GRIA4: variants seen among roughly 807,000 people sequenced by gnomAD.
GRIA4 encodes glutamate ionotropic receptor AMPA type subunit 4, also known as glutamate receptor 4.
In GRIA4, 34 loss-of-function variants were observed where a neutral mutation model predicts 104.0. The observed-to-expected ratio is 0.33, with a 90% confidence interval of 0.25 to 0.44. GRIA4 has a LOEUF of 0.44. Among genes scored for constraint, GRIA4 ranks in the 20% least tolerant of loss-of-function variants. The pLI is 1.00. For missense variants in GRIA4, 750 were observed against 1,096.5 expected, an observed-to-expected ratio of 0.68 and a Z score of 4.46; for synonymous variants, 386 against 381.9, an observed-to-expected ratio of 1.01 and a Z score of -0.13.
intron 11 of GRIA4, among the ~76,000 whole-genome samples, chr11:105,923,057 A>G (rs1317684298): frequency 2.6e-5 from 4 of 152,016 alleles, no homozygotes; most frequent in Non-Finnish European, 5.9e-5. Flanking sequence ...TGCCTTCCCC[A>G]TTCTAACCCC....
At position 105,924,662 on chromosome 11, in the gene GRIA4, C is replaced by T. The variant is rs542853979; in HGVS notation, c.1740C>T (p.Asp580=). ...PYEWHTEEPE[D]GKEGPSDQPP... ...AGTGGCACACAGAAGAGCCAGAGGA[C>T]GGAAAGGAAGGACCCAGCGACCAGC... The change falls in exon 12 of 17, where the codon GAC becomes GAT. Residue 580 remains aspartate, a synonymous_variant. Coordinates refer to ENST00000282499, the MANE Select transcript of GRIA4 (RefSeq NM_000829.4). 1.1e-5 allele frequency: 18 copies of T among 1,612,964 alleles called. No individual in the cohort carries two copies. Among genetic ancestry groups the T allele is most frequent in the Middle Eastern group, 1.7e-4 (1 of 6,054 alleles).
At chr11:105,798,207 A>G (rs1942571018) in intron 4 of GRIA4, among the ~76,000 whole-genome samples, 1 of 152,160 alleles carries the variant, frequency 6.6e-6, no homozygotes, top group Admixed American at 6.6e-5. Context: ...ATCATAACAA[A>G]GAAACATAAG....
intron 7 of GRIA4, among the ~76,000 whole-genome samples, chr11:105,903,152 G>T (rs1182758626): frequency 6.6e-6 from 1 of 152,118 alleles, no homozygotes; most frequent in Non-Finnish European, 1.5e-5. Flanking sequence ...TTGACCCTAG[G>T]TTAACGAAAT....
intron 4 of GRIA4, among the ~76,000 whole-genome samples, chr11:105,821,838 C>G (rs1273593372): frequency 6.6e-6 from 1 of 152,146 alleles, no homozygotes; most frequent in Non-Finnish European, 1.5e-5. Context: ...ACACTTAACA[C>G]ATTATGCCAG....
At chr11:105,774,017 AT>A (rs1009227040) in intron 4 of GRIA4, among the ~76,000 whole-genome samples, 1 of 151,696 alleles carries the variant, frequency 6.6e-6, no homozygotes, top group East Asian at 1.9e-4. Flanking sequence ...AAGAGAATAA[AT>A]TTTTTTGTAT....
chr11:105,910,568 T>G, intron 10 of GRIA4, 23 bp downstream of exon 10: 1 of 1,236,172 alleles, frequency 8.1e-7, no homozygotes, highest in Non-Finnish European at 1.2e-6. Context: ...CTATGCTTTA[T>G]GGTGTTCCGT....
chr11:105,692,781 A>G (rs963499841), intron 3 of GRIA4, among the ~76,000 whole-genome samples: 2 of 152,226 alleles, frequency 1.3e-5, no homozygotes, highest in African/African-American at 4.8e-5. Flanking sequence ...GTAATTTTTT[A>G]TTTATGAAGT....
At chr11:105,793,916 T>C (rs1039453546) in intron 4 of GRIA4, among the ~76,000 whole-genome samples, 9 of 152,224 alleles carry the variant, frequency 5.9e-5, no homozygotes, top group African/African-American at 1.9e-4. Flanking sequence ...CTAACCACAA[T>C]GGTGAAGCAG....
At chr11:105,977,710 C>T (rs1423293725) in intron 16 of GRIA4, among the ~76,000 whole-genome samples, 1 of 152,002 alleles carries the variant, frequency 6.6e-6, no homozygotes, top group African/African-American at 2.4e-5. Context: ...GCTAGATTTT[C>T]TTGATATAAA....
Position 105,637,597 on chromosome 11 carries a change from T to G in GRIA4, c.247+25163T>G, listed in dbSNP as rs568652097. Among the ~76,000 whole-genome samples the G allele has an allele frequency of 1.7e-4, 26 of 152,234 alleles. 1 individual carries two copies. The highest frequency in any genetic ancestry group is 6.3e-4 in the African/African-American group (26 of 41,548). On this transcript the variant is annotated intron_variant, in intron 3 of 16. Transcript: ENST00000282499. ...AGTGTAGTAGGAGAAATAAAACATG[T>G]AAATAGATAGTTAACATGTAGACTA...
chr11:105,761,860 C>T (rs1334663703), intron 4 of GRIA4, among the ~76,000 whole-genome samples: 1 of 152,154 alleles, frequency 6.6e-6, no homozygotes. Flanking sequence ...CCATAAAAGA[C>T]TGATACATTC....
intron 3 of GRIA4, among the ~76,000 whole-genome samples, chr11:105,666,031 C>T (rs1952154537): frequency 6.6e-6 from 1 of 151,960 alleles, no homozygotes; most frequent in African/African-American, 2.4e-5. Context: ...TCATCAAAAC[C>T]ATGTGCCTTT....
rs1345654796 is a variant in GRIA4, at chr11:105,866,549, G to GTATATATA, written c.672+4342_672+4343insATATATAT. Among the ~76,000 whole-genome samples the GTATATATA allele has an allele frequency of 4.0e-3, 312 of 78,130 alleles. 1 individual carries two copies. Among genetic ancestry groups the GTATATATA allele is most frequent in the Middle Eastern group, 7.0e-3 (1 of 142 alleles). The allele number at this position is 78,130 out of a possible 152,430, so 51.3% of individuals were successfully genotyped here. On this transcript the variant is annotated intron_variant, in intron 5 of 16. Transcript: ENST00000282499. ...TATATACGCATATGTGTGTGTGTGT[G>GTATATATA]TGTATATATATATATATATATATAT...
At chr11:105,721,955 T>C (rs932510082) in intron 3 of GRIA4, among the ~76,000 whole-genome samples, 2 of 152,164 alleles carry the variant, frequency 1.3e-5, no homozygotes, top group African/African-American at 4.8e-5. Context: ...TTGCAGTAAA[T>C]CTAACGCAAG....
At chr11:105,868,962 G>T (rs1322549751) in intron 5 of GRIA4, among the ~76,000 whole-genome samples, 1 of 152,074 alleles carries the variant, frequency 6.6e-6, no homozygotes, top group Non-Finnish European at 1.5e-5. Context: ...GAACTGATTC[G>T]AATGTGCAAG....
chr11:105,927,335 T>C (rs1489002503), intron 13 of GRIA4, among the ~76,000 whole-genome samples: 1 of 152,110 alleles, frequency 6.6e-6, no homozygotes, highest in Non-Finnish European at 1.5e-5. Flanking sequence ...ACTTGCTGCG[T>C]TTGAAACACA....
chr11:105,793,478 A>G (rs1942311644), intron 4 of GRIA4, among the ~76,000 whole-genome samples: 1 of 152,088 alleles, frequency 6.6e-6, no homozygotes, highest in Admixed American at 6.6e-5. Context: ...AATGCATATA[A>G]TGTCACTTTT....
intron 4 of GRIA4, among the ~76,000 whole-genome samples, chr11:105,837,241 GA>G (rs1944227168): frequency 6.6e-6 from 1 of 152,080 alleles, no homozygotes; most frequent in South Asian, 2.1e-4. Context: ...AGATTATGGG[GA>G]TTACAATTCG....
intron 16 of GRIA4, 141 bp from the exon 17 acceptor site, chr11:105,979,434 T>C: frequency 1.4e-6 from 1 of 719,482 alleles, no homozygotes; most frequent in South Asian, 1.9e-5. Flanking sequence ...GATAAGCAGT[T>C]TTCATATGAC....
Sources: gnomAD v4.1 joint callset for allele counts (sites outside exome capture counted in the v4.1 genomes callset) on GRCh38, gnomAD v4.1.1 for gene constraint, MANE v1.5 for transcripts, NCBI Gene and HGNC (gene_info 2026-07-23, HGNC 2026-07-21) for gene names.